Variants in FLNB observed in about 807,000 individuals in gnomAD.
The protein encoded by FLNB is filamin-B.
FLNB carries 111 observed loss-of-function variants against 250.6 expected under a neutral mutation model. The ratio of observed to expected loss-of-function variants is 0.44; its 90% CI spans 0.38 to 0.52. The LOEUF (loss-of-function observed/expected upper bound fraction) is 0.52, where lower values mean the gene tolerates loss of function less well. FLNB is among the 20% of genes least tolerant of loss of function. FLNB has a pLI of 0.00. For synonymous variants in FLNB, 1,302 were observed against 1,372.1 expected (o/e 0.95, Z 1.13); for missense variants, 2,869 against 3,447.8 (o/e 0.83, Z 4.20).
intron 1 of FLNB, among the ~76,000 whole-genome samples, chr3:58,068,934 G>A: frequency 6.6e-6 from 1 of 152,134 alleles, no homozygotes; most frequent in East Asian, 1.9e-4. Flanking sequence ...ATGTTAAGGA[G>A]GGGCCAGTTT....
chr3:58,009,385 C>T (rs1428760175), intron 1 of FLNB, among the ~76,000 whole-genome samples: 2 of 152,158 alleles, frequency 1.3e-5, no homozygotes, highest in African/African-American at 4.8e-5. Context: ...GACCTGGTAC[C>T]TTCCCCTGCC....
chr3:58,106,232 T>C (rs574241385), intron 11 of FLNB, among the ~76,000 whole-genome samples: 1 of 152,080 alleles, frequency 6.6e-6, no homozygotes, highest in Admixed American at 6.5e-5. Flanking sequence ...GATTTGGTGG[T>C]GCTAAGAGTG....
chr3:58,109,902 A>G, intron 15 of FLNB, 108 bp from the exon 16 acceptor site: 6 of 1,467,298 alleles, frequency 4.1e-6, no homozygotes, highest in Non-Finnish European at 5.7e-6. Flanking sequence ...CAGGTTTCTT[A>G]CTAGAAACTT....
chr3:58,168,552 G>T lies in FLNB; in HGVS notation c.7311G>T (p.Gly2437=). 1 of 1,614,138 alleles carries T rather than the reference G, an allele frequency of 6.2e-7. No homozygotes were observed. Among genetic ancestry groups the T allele is most frequent in the South Asian group, 1.1e-5 (1 of 91,086 alleles). The change falls in exon 44 of 46, where the codon GGG becomes GGT. Residue 2437 remains glycine (G), a synonymous_variant. Transcript: ENST00000295956. ...VKMDCQETPE[G]YKVMYTPMAP... is the part of the protein sequence containing the mutation. ...TGGATTGCCAGGAAACACCTGAAGG[G>T]TACAAAGTCATGTACACCCCCATGG... is the stretch of plus-strand genomic sequence containing the variant.
At chr3:58,148,461 G>A (rs1649863771) in intron 35 of FLNB, 97 bp downstream of exon 35, 4 of 1,437,740 alleles carry the variant, frequency 2.8e-6, no homozygotes, top group East Asian at 2.4e-5. Flanking sequence ...GCACAATGGA[G>A]TGTGATGTGA....
In FLNB at chr3:58,100,365, A is replaced by T. The variant is rs868213913; in HGVS notation, c.1345+1457A>T. On this transcript the variant is annotated intron_variant, in intron 8 of 45. Transcript: ENST00000295956. ...CCCACCTAAATGATTTTACATATGT[A>T]AAAAAAAAATATATATATATTTGCA... Among the ~76,000 whole-genome samples the T allele has an allele frequency of 4.8e-4, 11 of 23,010 alleles. 1 individual carries two copies. In the African/African-American group the frequency reaches 5.0e-3, roughly 11 times the overall value. 15.1% of individuals were successfully genotyped at this position (23,010 alleles called of 152,430 possible).
chr3:58,008,902 GC>G (rs1403102421), intron 1 of FLNB, 46 bp downstream of exon 1: 2 of 1,608,194 alleles, frequency 1.2e-6, no homozygotes, highest in South Asian at 1.1e-5. Context: ...GTGCCGACCC[GC>G]CCCCGCGCGT....
At chr3:58,025,875 G>A (rs1718458) in intron 1 of FLNB, among the ~76,000 whole-genome samples, 107,879 of 152,186 alleles carry the variant, frequency 0.71, 38,791 homozygotes, top group East Asian at 0.94. Flanking sequence ...GCAGTGAGCC[G>A]AGATCATGCC....
Position 58,104,011 on chromosome 3 carries a change from A to G in FLNB, c.1536A>G (p.Ala512=). The G allele has an allele frequency of 6.2e-7, 1 of 1,613,830 alleles. No individual in the cohort carries two copies. The highest frequency in any genetic ancestry group is 8.5e-7 in the Non-Finnish European group (1 of 1,179,814). ...KQKDFLDGVY[A]FEYYPSTPGR... ...AAGACTTTCTGGATGGGGTCTACGC[A>G]TTCGAGTATTACCCCAGCACCCCGG... The change falls in exon 10 of 46, where the codon GCA becomes GCG. Residue 512 remains alanine (A), a synonymous_variant. Transcript: ENST00000295956.
intron 1 of FLNB, among the ~76,000 whole-genome samples, chr3:58,010,786 C>G (rs1252097068): frequency 6.6e-6 from 1 of 152,222 alleles, no homozygotes; most frequent in Non-Finnish European, 1.5e-5. Flanking sequence ...ACTGCCTGAT[C>G]TACCCACTGT....
intron 1 of FLNB, among the ~76,000 whole-genome samples, chr3:58,076,302 C>T (rs182152041): frequency 3.3e-5 from 5 of 152,110 alleles, no homozygotes; most frequent in African/African-American, 7.2e-5. Context: ...TATCGAAAAA[C>T]GTGAATTCAG....
In FLNB at chr3:58,112,166, C is replaced by T; in HGVS notation, c.2593C>T (p.Pro865Ser). The T allele has an allele frequency of 1.2e-6, 2 of 1,614,120 alleles. No individual in the cohort carries two copies. The change falls in exon 18 of 46, where the codon CCG (proline) becomes TCG (serine). Residue 865 changes from proline to serine, a missense_variant. By Grantham distance (74) the Pro-to-Ser change is moderately conservative (BLOSUM62 -1). Transcript: ENST00000295956. ...CTTTCCAGGTGTGGAAAATGGGAAA[C>T]CGACCCACTTCACTGTCTACACCAA... ...LSKAGVENGKPTHFTVYTKGA... is the reference protein window; with the variant it reads ...LSKAGVENGKSTHFTVYTKGA...
chr3:58,048,739 T>TATA (rs2097157914), intron 1 of FLNB, among the ~76,000 whole-genome samples: 1 of 152,222 alleles, frequency 6.6e-6, no homozygotes, highest in South Asian at 2.1e-4. Flanking sequence ...GGTGAACTGT[T>TATA]TTGGGAAAAA....
At chr3:58,016,725 T>TG (rs1357671843) in intron 1 of FLNB, among the ~76,000 whole-genome samples, 2 of 152,184 alleles carry the variant, frequency 1.3e-5, no homozygotes, top group African/African-American at 4.8e-5. Flanking sequence ...CTTGTTATTC[T>TG]GCTTTTAATT....
intron 42 of FLNB, among the ~76,000 whole-genome samples, 170 bp downstream of exon 42, chr3:58,159,856 C>G (rs1190446413): frequency 6.6e-6 from 1 of 152,174 alleles, no homozygotes; most frequent in Non-Finnish European, 1.5e-5. Flanking sequence ...AAACATGTGC[C>G]AGGGATAGGG....
chr3:58,077,885 A>T (rs1332039656), intron 2 of FLNB, among the ~76,000 whole-genome samples: 2 of 152,050 alleles, frequency 1.3e-5, no homozygotes, highest in Non-Finnish European at 2.9e-5. Context: ...GAGGGTTTAG[A>T]TTGATGGGTA....
chr3:58,124,220 A>G, intron 21 of FLNB, 112 bp from the exon 22 acceptor site: 1 of 1,089,082 alleles, frequency 9.2e-7, no homozygotes, highest in Non-Finnish European at 1.4e-6. Flanking sequence ...CCAGTTTTCC[A>G]GTTACTGAAA....
At chr3:58,137,634 C>G (rs1400316511) in intron 28 of FLNB, among the ~76,000 whole-genome samples, 1 of 152,146 alleles carries the variant, frequency 6.6e-6, no homozygotes, top group African/African-American at 2.4e-5. Context: ...TATGTGGATC[C>G]TGTGTAAAGG....
At chr3:58,109,945 T>C (rs960041322) in intron 15 of FLNB, 65 bp from the exon 16 acceptor site, 117 of 1,589,820 alleles carry the variant, frequency 7.4e-5, no homozygotes, top group Non-Finnish European at 9.8e-5. Context: ...TAACCTGAGC[T>C]GGAAGAGATT....
Sources: gnomAD v4.1 joint callset for allele counts (sites outside exome capture counted in the v4.1 genomes callset) on GRCh38, gnomAD v4.1.1 for gene constraint, MANE v1.5 for transcripts, NCBI Gene and HGNC (gene_info 2026-07-23, HGNC 2026-07-21) for gene names.